Variants in SERPINE3 observed in about 807,000 individuals in gnomAD.
The protein encoded by SERPINE3 is serpin family E member 3.
Under a neutral mutation model 41.7 loss-of-function variants are expected in SERPINE3, and 43 were observed. That is an observed-to-expected ratio of 1.03 (90% CI 0.81 to 1.33). The LOEUF is 1.33. Ranked by LOEUF, SERPINE3 falls within the 40% of genes most tolerant of loss-of-function variation. The pLI is 0.00. For synonymous variants in SERPINE3, 200 were observed against 192.2 expected (o/e 1.04, Z -0.34); for missense variants, 440 against 491.7 (o/e 0.89, Z 0.99).
rs762097851 is a variant in SERPINE3 at position 51,361,229 on chromosome 13, A to G, written c.1001-49A>G. 5.8e-6 allele frequency: 7 copies of G among 1,208,634 alleles called. No individual in the cohort carries two copies. The African/African-American group carries it at 1.0e-4, about 18-fold the overall frequency. 74.9% of individuals were successfully genotyped at this position (1,208,634 alleles called of 1,614,324 possible). The stretch of plus-strand genomic sequence containing the variant: ...TTAAAGAATGTGTTCTAAATGTGTT[A>G]GAAAAATGTTAATGAGCAACTCACA... On this transcript the variant is annotated intron_variant, in intron 7 of 9. Transcript: ENST00000681248.
intron 5 of SERPINE3, among the ~76,000 whole-genome samples, chr13:51,347,960 C>CG (rs1213694797): frequency 1.3e-5 from 2 of 152,084 alleles, no homozygotes; most frequent in Non-Finnish European, 2.9e-5. Context: ...CCATCGTCCC[C>CG]CCCCCCATAC....
intron 9 of SERPINE3, chr13:51,363,964 C>T (rs910169681): frequency 2.1e-5 from 5 of 239,914 alleles, no homozygotes; most frequent in African/African-American, 4.5e-5. Flanking sequence ...TTCCTAGATA[C>T]TCTTGTTAAG....
intron 9 of SERPINE3, chr13:51,362,141 T>G: frequency 1.7e-6 from 2 of 1,194,916 alleles, no homozygotes; most frequent in Non-Finnish European, 2.2e-6. Context: ...ATGTAGATTT[T>G]TTTTTTTAAT....
At chr13:51,340,971 T>G (rs1005758561) in intron 2 of SERPINE3, 104 bp from the exon 3 acceptor site, 1 of 1,168,868 alleles carries the variant, frequency 8.6e-7, no homozygotes, top group African/African-American at 1.5e-5. Flanking sequence ...CAGCCGTCCC[T>G]AGCCCCTAAA....
At chr13:51,349,608 T>C (rs944537640) in intron 6 of SERPINE3, among the ~76,000 whole-genome samples, 2 of 152,170 alleles carry the variant, frequency 1.3e-5, no homozygotes, top group African/African-American at 2.4e-5. Context: ...AGACAGATGG[T>C]GGGACTCATC....
At chr13:51,340,113 G>A (rs1462769856) in intron 1 of SERPINE3, among the ~76,000 whole-genome samples, 1 of 152,328 alleles carries the variant, frequency 6.6e-6, no homozygotes, top group South Asian at 2.1e-4. Flanking sequence ...GTGAGTTGGA[G>A]AGAGTGAGTG....
chr13:51,340,973 GC>G, intron 2 of SERPINE3, 101 bp from the exon 3 acceptor site: 1 of 1,183,490 alleles, frequency 8.4e-7, no homozygotes, highest in East Asian at 2.4e-5. Flanking sequence ...GCCGTCCCTA[GC>G]CCCTAAAAAC....
At chr13:51,361,434 C>A in intron 8 of SERPINE3, 70 bp downstream of exon 8, 1 of 926,978 alleles carries the variant, frequency 1.1e-6, no homozygotes, top group Non-Finnish European at 1.7e-6. Flanking sequence ...CTAGTTGAAT[C>A]TTCACACTTC....
At chr13:51,346,221 A>G (rs1182902088) in intron 4 of SERPINE3, among the ~76,000 whole-genome samples, 1 of 152,200 alleles carries the variant, frequency 6.6e-6, no homozygotes, top group Non-Finnish European at 1.5e-5. Context: ...TCTTTCTGAC[A>G]CTGCATGAAA....
intron 7 of SERPINE3, 48 bp downstream of exon 7, chr13:51,355,191 G>GT (rs1955461130): frequency 1.2e-6 from 1 of 801,278 alleles, no homozygotes. Flanking sequence ...ATTTGGGGCA[G>GT]TTTTATCATA....
rs1018072493 is a variant in SERPINE3 at position 51,341,274 on chromosome 13, G to A, written c.183G>A (p.Leu61=). The change falls in exon 3 of 10, where the codon CTG becomes CTA. Residue 61 remains leucine, a synonymous_variant. Transcript: ENST00000681248. ...CTCCTGCTGGTGTGTCCCTCCCCCT[G>A]GAGATCCTGCAGTTTGGAGCAGAAG... ...VISPAGVSLP[L]EILQFGAEGS... 6.2e-7 allele frequency: 1 copy of A among 1,613,944 alleles called. No homozygotes were observed. The highest frequency in any genetic ancestry group is 1.7e-5 in the Admixed American group (1 of 60,028).
chr13:51,354,723 G>T (rs1028930211), intron 6 of SERPINE3, among the ~76,000 whole-genome samples: 3 of 152,182 alleles, frequency 2.0e-5, no homozygotes, highest in African/African-American at 7.2e-5. Flanking sequence ...GGTATTAATG[G>T]GGCTTTAAGA....
chr13:51,363,114 C>T (rs1230127443), intron 9 of SERPINE3: 1 of 151,842 alleles, frequency 6.6e-6, no homozygotes, highest in East Asian at 1.9e-4. Flanking sequence ...AAGGTCATTG[C>T]CAAAAGCCAA....
chr13:51,358,519 C>T (rs1304846977), intron 7 of SERPINE3, among the ~76,000 whole-genome samples: 2 of 152,124 alleles, frequency 1.3e-5, no homozygotes, highest in Non-Finnish European at 2.9e-5. Context: ...TATGGTTCTA[C>T]AAACACCAAT....
At chr13:51,344,967 AAG>A (rs71680429) in intron 4 of SERPINE3, among the ~76,000 whole-genome samples, 3,147 of 152,346 alleles carry the variant, frequency 0.021, 125 homozygotes, top group African/African-American at 0.072. Context: ...TTATTGAAGA[AAG>A]AGACTTACAA....
At chr13:51,351,734 A>T (rs1250375941) in intron 6 of SERPINE3, among the ~76,000 whole-genome samples, 2 of 152,058 alleles carry the variant, frequency 1.3e-5, no homozygotes, top group African/African-American at 4.8e-5. Context: ...ACAAAAATTT[A>T]GGTGTATGTT....
At chr13:51,353,577 A>T (rs1955433048) in intron 6 of SERPINE3, among the ~76,000 whole-genome samples, 1 of 152,214 alleles carries the variant, frequency 6.6e-6, no homozygotes. Context: ...TTCAGCATTT[A>T]GAGTTTTCAA....
intron 6 of SERPINE3, among the ~76,000 whole-genome samples, chr13:51,351,307 A>G (rs565215663): frequency 8.5e-5 from 13 of 152,234 alleles, no homozygotes; most frequent in Admixed American, 5.9e-4. Context: ...CCTTGTCAAC[A>G]CTTGTTAATG....
chr13:51,362,191 T>C, intron 9 of SERPINE3: 1 of 670,472 alleles, frequency 1.5e-6, no homozygotes, highest in Non-Finnish European at 2.2e-6. Context: ...GGAAAAATCA[T>C]GAAAGTAAAA....
Sources: gnomAD v4.1 joint callset for allele counts (sites outside exome capture counted in the v4.1 genomes callset) on GRCh38, gnomAD v4.1.1 for gene constraint, MANE v1.5 for transcripts, NCBI Gene and HGNC (gene_info 2026-07-23, HGNC 2026-07-21) for gene names.